Variants in SNX29 observed in about 807,000 individuals in gnomAD.
SNX29 encodes sorting nexin-29.
A neutral mutation model predicts 102.1 loss-of-function variants in SNX29; 78 were observed. The observed-to-expected ratio is 0.76, with a 90% CI of 0.64 to 0.92. The LOEUF (loss-of-function observed/expected upper bound fraction) is 0.92. Among genes scored for constraint, SNX29 ranks in the 40% least tolerant of loss-of-function variants. The pLI is 0.00. For synonymous variants in SNX29, 580 were observed against 414.5 expected, an observed-to-expected ratio of 1.40 and a Z score of -4.85; for missense variants, 1,280 against 1,061.7, an observed-to-expected ratio of 1.21 and a Z score of -2.86.
intron 17 of SNX29, among the ~76,000 whole-genome samples, chr16:12,400,894 C>G (rs565004551): frequency 6.6e-6 from 1 of 152,202 alleles, no homozygotes; most frequent in Non-Finnish European, 1.5e-5. Context: ...ACTATCTCTG[C>G]TCACTGCAAG....
At chr16:12,019,593 T>TAGAG (rs869227858) in intron 3 of SNX29, among the ~76,000 whole-genome samples, 1 of 135,164 alleles carries the variant, frequency 7.4e-6, no homozygotes, top group Non-Finnish European at 1.6e-5. Flanking sequence ...TATATATATA[T>TAGAG]AGATAGATAG....
At chr16:12,430,489 G>A (rs1567554974) in intron 18 of SNX29, among the ~76,000 whole-genome samples, 1 of 152,200 alleles carries the variant, frequency 6.6e-6, no homozygotes, top group Non-Finnish European at 1.5e-5. Flanking sequence ...TTGCATCCCA[G>A]CTCTGCCCTC....
rs576151672 is a variant in SNX29 at position 12,574,066 on chromosome 16, G to C, written c.*5437G>C. On this transcript the variant is annotated 3_prime_UTR_variant, in exon 21 of 21. Transcript: ENST00000566228. ...GTCTGTGTGTACATAAGGTCTAGAA[G>C]TCTGTGGAAACGCCCTGAAACCTGT... The C allele has an allele frequency of 5.2e-6, 1 of 192,348 alleles. No homozygotes were observed. The highest frequency in any genetic ancestry group is 8.3e-5 in the East Asian group (1 of 12,064). 11.9% of individuals were successfully genotyped at this position (192,348 alleles called of 1,614,324 possible).
intron 13 of SNX29, among the ~76,000 whole-genome samples, chr16:12,130,419 G>C (rs1374515026): frequency 1.5e-5 from 2 of 131,792 alleles, no homozygotes; most frequent in African/African-American, 5.9e-5. Flanking sequence ...AGCTTGCAGT[G>C]AGCTGAGATC....
intron 16 of SNX29, among the ~76,000 whole-genome samples, chr16:12,392,861 G>T (rs368815988): frequency 2.5e-4 from 38 of 152,158 alleles, no homozygotes; most frequent in African/African-American, 8.9e-4. Flanking sequence ...TCCAGAACTG[G>T]GGGGCTTTGT....
chr16:12,481,542 A>G (rs968669836), intron 19 of SNX29, among the ~76,000 whole-genome samples: 2 of 126,290 alleles, frequency 1.6e-5, no homozygotes, highest in Non-Finnish European at 3.6e-5. Context: ...ACACACACAC[A>G]CACACACACA....
chr16:11,999,872 G>C (rs1596557129), intron 2 of SNX29, among the ~76,000 whole-genome samples: 1 of 151,800 alleles, frequency 6.6e-6, no homozygotes, highest in Non-Finnish European at 1.5e-5. Context: ...CTGCACTCCA[G>C]CCTGGGCAAC....
intron 14 of SNX29, among the ~76,000 whole-genome samples, chr16:12,222,796 C>A (rs998150404): frequency 7.2e-5 from 11 of 152,114 alleles, no homozygotes; most frequent in African/African-American, 2.7e-4. Context: ...CTCAAACTCC[C>A]GACCTCAGGT....
chr16:12,563,207 T>TTC (rs10676403), intron 20 of SNX29, among the ~76,000 whole-genome samples: 128,342 of 151,736 alleles, frequency 0.85, 54,567 homozygotes, highest in African/African-American at 0.92. Context: ...CATGCTGGGA[T>TTC]TGAGGCTCAT....
Position 12,287,218 on chromosome 16 carries a change from G to A in SNX29, c.1782+9182G>A, listed in dbSNP as rs563325060. ...CACTACACAGGCCCTGGGAAAGTGAGGGATTTGGAGATGAGGAGGTGTGAC... is the reference window on the plus strand; with the variant it reads ...CACTACACAGGCCCTGGGAAAGTGAAGGATTTGGAGATGAGGAGGTGTGAC... On this transcript the variant is annotated intron_variant, in intron 15 of 20. Transcript: ENST00000566228. Among the ~76,000 whole-genome samples, 12 of 152,272 alleles carry A rather than the reference G, an allele frequency of 7.9e-5. No individual in the cohort carries two copies. The South Asian group carries it at 2.5e-3, about 32-fold the overall frequency.
At chr16:12,364,161 T>TTGTTA (rs56227162) in intron 16 of SNX29, among the ~76,000 whole-genome samples, 27,622 of 138,298 alleles carry the variant, frequency 0.2, 2,934 homozygotes, top group East Asian at 0.27. Flanking sequence ...CCTGGCTTGT[T>TTGTTA]TGTTATGTTA....
At chr16:12,351,278 A>G (rs1322595869) in intron 15 of SNX29, among the ~76,000 whole-genome samples, 2 of 152,224 alleles carry the variant, frequency 1.3e-5, no homozygotes, top group Non-Finnish European at 2.9e-5. Context: ...AACAGGTGCA[A>G]TGCCATCATC....
intron 20 of SNX29, among the ~76,000 whole-genome samples, chr16:12,529,918 A>T (rs1189727511): frequency 6.6e-6 from 1 of 152,184 alleles, no homozygotes; most frequent in African/African-American, 2.4e-5. Context: ...TCCAGACTCC[A>T]AAGTCCTCAG....
At chr16:12,397,850 C>T (rs560184283) in intron 16 of SNX29, among the ~76,000 whole-genome samples, 1 of 152,332 alleles carries the variant, frequency 6.6e-6, no homozygotes, top group East Asian at 1.9e-4. Context: ...CCCACCTCCA[C>T]AGTGTGGGGT....
intron 11 of SNX29, among the ~76,000 whole-genome samples, chr16:12,117,966 A>G (rs1329158422): frequency 6.6e-6 from 1 of 151,996 alleles, no homozygotes; most frequent in Non-Finnish European, 1.5e-5. Context: ...GTGTGGTGGC[A>G]TGTGCCTGTA....
intron 14 of SNX29, among the ~76,000 whole-genome samples, chr16:12,222,928 A>G (rs1389216433): frequency 6.6e-6 from 1 of 151,798 alleles, no homozygotes; most frequent in East Asian, 1.9e-4. Flanking sequence ...AGGTGTAGAT[A>G]TTATTCTCAC....
At chr16:12,555,610 C>G (rs542272650) in intron 20 of SNX29, among the ~76,000 whole-genome samples, 1 of 151,800 alleles carries the variant, frequency 6.6e-6, no homozygotes, top group Non-Finnish European at 1.5e-5. Flanking sequence ...TGCCCTTAGT[C>G]CAGTGTGCAT....
chr16:12,406,425 G>C (rs554685249), intron 18 of SNX29, among the ~76,000 whole-genome samples: 1 of 152,304 alleles, frequency 6.6e-6, no homozygotes, highest in East Asian at 1.9e-4. Flanking sequence ...TCCCGTGACA[G>C]CCACTGTCTG....
At chr16:12,358,583 A>T (rs75303052) in intron 16 of SNX29, among the ~76,000 whole-genome samples, 1 of 152,078 alleles carries the variant, frequency 6.6e-6, no homozygotes, top group Non-Finnish European at 1.5e-5. Context: ...CCTGCTATCC[A>T]TAAAGAAATT....
Sources: gnomAD v4.1 joint callset for allele counts (sites outside exome capture counted in the v4.1 genomes callset) on GRCh38, gnomAD v4.1.1 for gene constraint, MANE v1.5 for transcripts, NCBI Gene and HGNC (gene_info 2026-07-23, HGNC 2026-07-21) for gene names.